Variants in SLC12A8 observed in about 807,000 individuals in gnomAD.
The protein encoded by SLC12A8 is cation-chloride cotransporter 9.
SLC12A8 carries 69 observed loss-of-function variants against 75.6 expected under a neutral mutation model. That is an observed-to-expected ratio of 0.91 (90% CI 0.75 to 1.11). The LOEUF (loss-of-function observed/expected upper bound fraction) is 1.11, where lower values mean the gene tolerates loss of function less well. Among genes scored for constraint, SLC12A8 ranks in the 50% most tolerant of loss-of-function variants. The pLI, the probability that SLC12A8 is intolerant of heterozygous loss-of-function variation, is 0.00. For missense variants in SLC12A8, 877 were observed against 896.7 expected (o/e 0.98, Z 0.28); for synonymous variants, 365 against 372.8 (o/e 0.98, Z 0.24).
rs552652539 is a variant in SLC12A8 at position 125,084,624 on chromosome 3, G to A, written c.1983-572C>T. Among the ~76,000 whole-genome samples, 31 of 152,304 alleles carry A rather than the reference G, an allele frequency of 2.0e-4. No individual in the cohort carries two copies. The East Asian group carries it at 5.0e-3, about 25-fold the overall frequency. On this transcript the variant is annotated intron_variant, in intron 13 of 13. Transcript: ENST00000469902. ...CACTGGAGTCTCTGCATACAGTTTC[G>A]GTTGGAATAAACTGGGAAAGAAAAA...
chr3:125,151,842 T>C lies in SLC12A8; in HGVS notation c.623-16060A>G, dbSNP rs566432965. The stretch of plus-strand genomic sequence containing the variant: ...CATGAGGACTTAATGTAAGGCTTTT[T>C]TCCACCTGAAAATTTGGTGTGAATT... On this transcript the variant is annotated intron_variant, in intron 5 of 13. Coordinates refer to ENST00000469902, the MANE Select transcript of SLC12A8 (RefSeq NM_024628.6). Among the ~76,000 whole-genome samples the C allele has an allele frequency of 3.9e-5, 6 of 152,396 alleles. No individual in the cohort carries two copies. The South Asian group carries it at 1.2e-3, about 32-fold the overall frequency.
At chr3:125,196,972 A>G (rs1935019976) in intron 2 of SLC12A8, among the ~76,000 whole-genome samples, 1 of 152,230 alleles carries the variant, frequency 6.6e-6, no homozygotes, top group Non-Finnish European at 1.5e-5. Flanking sequence ...TCCCAGTGGC[A>G]ATGAACATAC....
At chr3:125,149,968 CCT>C (rs1314069845) in intron 5 of SLC12A8, among the ~76,000 whole-genome samples, 1 of 152,130 alleles carries the variant, frequency 6.6e-6, no homozygotes, top group African/African-American at 2.4e-5. Context: ...CTGAAAAGTA[CCT>C]CTGTTCTAAT....
At chr3:125,120,849 G>A (rs1321424443) in intron 6 of SLC12A8, 163 bp from the exon 7 acceptor site, 3 of 709,240 alleles carry the variant, frequency 4.2e-6, no homozygotes, top group East Asian at 5.4e-5. Flanking sequence ...ATCTCCCCTG[G>A]CAACTAGGGA....
At chr3:125,189,911 C>T (rs1422977307) in intron 3 of SLC12A8, among the ~76,000 whole-genome samples, 3 of 152,170 alleles carry the variant, frequency 2.0e-5, no homozygotes, top group African/African-American at 7.2e-5. Context: ...CTAGGCAATC[C>T]ATCCCTAGAG....
At position 125,191,975 on chromosome 3, in the gene SLC12A8, C is replaced by T. The variant is rs115898047; in HGVS notation, c.52-1454G>A. Among the ~76,000 whole-genome samples, 1,040 of 152,250 alleles carry T rather than the reference C, an allele frequency of 6.8e-3. 13 individuals carry two copies. The highest frequency in any genetic ancestry group is 0.023 in the African/African-American group (945 of 41,530). ...AATTGTCAGAACAGTCCTCGTGGTTCGGAACAAAGACTCTGCCAATCTAGG... is the reference window on the plus strand; with the variant it reads ...AATTGTCAGAACAGTCCTCGTGGTTTGGAACAAAGACTCTGCCAATCTAGG... On this transcript the variant is annotated intron_variant, in intron 2 of 13. Coordinates refer to ENST00000469902, the MANE Select transcript of SLC12A8 (RefSeq NM_024628.6).
At chr3:125,097,052 A>G (rs2993639) in intron 10 of SLC12A8, among the ~76,000 whole-genome samples, 46,741 of 152,046 alleles carry the variant, frequency 0.31, 8,312 homozygotes, top group Non-Finnish European at 0.41. Context: ...AATGGCAAAC[A>G]TAGGCTTAGT....
intron 5 of SLC12A8, among the ~76,000 whole-genome samples, chr3:125,167,933 T>G (rs1263046178): frequency 6.6e-6 from 1 of 152,130 alleles, no homozygotes; most frequent in Non-Finnish European, 1.5e-5. Context: ...GCAAACAGAA[T>G]GGGTTTGGGT....
At chr3:125,196,266 G>A (rs1053343446) in intron 2 of SLC12A8, among the ~76,000 whole-genome samples, 1 of 152,158 alleles carries the variant, frequency 6.6e-6, no homozygotes, top group African/African-American at 2.4e-5. Flanking sequence ...CATACTTAAA[G>A]CGGAAAAAGA....
At chr3:125,094,117 C>A (rs903468691) in intron 10 of SLC12A8, among the ~76,000 whole-genome samples, 3 of 152,190 alleles carry the variant, frequency 2.0e-5, no homozygotes, top group African/African-American at 7.2e-5. Context: ...AGTAACCTTA[C>A]ACTTCCTAAA....
intron 2 of SLC12A8, among the ~76,000 whole-genome samples, chr3:125,196,758 A>G (rs1220783494): frequency 6.6e-6 from 1 of 152,142 alleles, no homozygotes; most frequent in East Asian, 1.9e-4. Context: ...ATGAGACCAC[A>G]CCTCTACAAA....
chr3:125,124,147 C>G (rs2942812), intron 6 of SLC12A8, among the ~76,000 whole-genome samples: 21,820 of 152,118 alleles, frequency 0.14, 1,742 homozygotes, highest in Admixed American at 0.18. Flanking sequence ...TGGCCAGAAA[C>G]TTGGCTTTTG....
chr3:125,107,678 T>A lies in SLC12A8; in HGVS notation c.1508A>T (p.Asp503Val), dbSNP rs760003235. The A allele has an allele frequency of 1.2e-6, 2 of 1,614,012 alleles. No homozygotes were observed. Among genetic ancestry groups the A allele is most frequent in the Non-Finnish European group, 1.7e-6 (2 of 1,180,018 alleles). ...GGATTTGAGGTCCAAGAGGAAGCTA[T>A]CTTGTAGGGTCTGCTTGGTGGCCTT... ...SKKATKQTLQDSFLLDLKSPP... is the reference protein window; with the variant it reads ...SKKATKQTLQVSFLLDLKSPP... Residue 503 changes from aspartate to valine, a missense_variant, in exon 10 of 14, where the codon GAT becomes GTT. Coordinates refer to ENST00000469902, the MANE Select transcript of SLC12A8 (RefSeq NM_024628.6).
intron 4 of SLC12A8, among the ~76,000 whole-genome samples, chr3:125,180,599 G>A (rs1934636912): frequency 6.6e-6 from 1 of 152,122 alleles, no homozygotes; most frequent in South Asian, 2.1e-4. Flanking sequence ...GCTGAGGCAG[G>A]AAAATCCCTT....
At chr3:125,111,641 C>T (rs148105398) in intron 8 of SLC12A8, among the ~76,000 whole-genome samples, 129 of 152,296 alleles carry the variant, frequency 8.5e-4, no homozygotes, top group African/African-American at 3.0e-3. Flanking sequence ...TCTCCTCACC[C>T]CATTTTTTAC....
intron 4 of SLC12A8, among the ~76,000 whole-genome samples, chr3:125,182,012 C>T (rs1277996182): frequency 2.0e-5 from 3 of 152,188 alleles, no homozygotes; most frequent in East Asian, 1.9e-4. Context: ...CATGGCAAAA[C>T]CTTGTCTCTA....
intron 5 of SLC12A8, among the ~76,000 whole-genome samples, chr3:125,136,476 G>A (rs1291166398): frequency 6.6e-6 from 1 of 152,108 alleles, no homozygotes; most frequent in African/African-American, 2.4e-5. Flanking sequence ...TGCTGTTGAC[G>A]CTAGGTCTGG....
At chr3:125,165,664 A>G (rs2076726) in intron 5 of SLC12A8, among the ~76,000 whole-genome samples, 22,950 of 152,154 alleles carry the variant, frequency 0.15, 2,043 homozygotes, top group East Asian at 0.21. Flanking sequence ...AGCCATCCTC[A>G]CCCGTCCGGG....
rs754703146 is a variant in SLC12A8, at chr3:125,092,178, G to A, written c.1726C>T (p.Leu576Phe). Residue 576 changes from leucine (L) to phenylalanine (F), a missense_variant, in exon 11 of 14, where the codon CTC (leucine) becomes TTC (phenylalanine). By Grantham distance (22) the Leu-to-Phe change is conservative. Transcript: ENST00000469902. The part of the protein sequence containing the change: ...SGEDFFLKSR[L>F]QEQDVWRRST... ...CTTCTCCAGACATCTTGTTCTTGGA[G>A]CCTGGACTTCAGGAAGAAATCTAAA... is the stretch of plus-strand genomic sequence containing the variant. 5 of 1,612,566 alleles carry A rather than the reference G, an allele frequency of 3.1e-6. No homozygotes were observed. The South Asian group carries it at 4.4e-5, about 14-fold the overall frequency.
Sources: gnomAD v4.1 joint callset for allele counts (sites outside exome capture counted in the v4.1 genomes callset) on GRCh38, gnomAD v4.1.1 for gene constraint, MANE v1.5 for transcripts, NCBI Gene and HGNC (gene_info 2026-07-23, HGNC 2026-07-21) for gene names.